Variants in MEGF6 observed in about 807,000 individuals in gnomAD.
MEGF6 encodes multiple epidermal growth factor-like domains protein 6.
Under a neutral mutation model 207.1 loss-of-function variants are expected in MEGF6, and 184 were observed. The ratio of observed to expected loss-of-function variants is 0.89; its 90% CI spans 0.79 to 1.00. The LOEUF is 1.00. Among genes scored for constraint, MEGF6 ranks in the 50% least tolerant of loss-of-function variants. MEGF6 has a pLI of 0.00. For synonymous variants in MEGF6, 1,038 were observed against 910.0 expected (o/e 1.14, Z -2.53); for missense variants, 2,282 against 2,202.9 (o/e 1.04, Z -0.72).
intron 12 of MEGF6, 81 bp downstream of exon 12, chr1:3,508,994 A>T: frequency 7.1e-7 from 1 of 1,406,858 alleles, no homozygotes. Context: ...CCAGCCTCTG[A>T]TTGGATGGCA....
At chr1:3,610,754 C>A (rs906915062) in intron 1 of MEGF6, among the ~76,000 whole-genome samples, 1 of 152,242 alleles carries the variant, frequency 6.6e-6, no homozygotes, top group Non-Finnish European at 1.5e-5. Flanking sequence ...AGGAGACAGG[C>A]TTTGGAGGGA....
intron 23 of MEGF6, 101 bp from the exon 24 acceptor site, chr1:3,499,367 C>A: frequency 6.9e-7 from 1 of 1,459,674 alleles, no homozygotes; most frequent in Non-Finnish European, 9.1e-7. Context: ...GTCCCCTCGG[C>A]TGCTATGGCC....
At chr1:3,524,505 A>AG (rs1641887665) in intron 4 of MEGF6, among the ~76,000 whole-genome samples, 1 of 152,222 alleles carries the variant, frequency 6.6e-6, no homozygotes, top group Non-Finnish European at 1.5e-5. Flanking sequence ...GAGGGCTCCA[A>AG]GGACAGGCTG....
upstream of MEGF6, among the ~76,000 whole-genome samples, chr1:3,612,768 C>A (rs1445017206): frequency 6.6e-6 from 1 of 152,036 alleles, no homozygotes; most frequent in Non-Finnish European, 1.5e-5. Context: ...GAAGGGAGCA[C>A]CCCCTGACTG....
At chr1:3,519,807 G>T (rs1179116060) in intron 5 of MEGF6, among the ~76,000 whole-genome samples, 1 of 152,364 alleles carries the variant, frequency 6.6e-6, no homozygotes, top group South Asian at 2.1e-4. Flanking sequence ...AGGGGAGGGG[G>T]TCTATGCAGC....
chr1:3,512,355 T>C (rs1057348965), intron 7 of MEGF6, among the ~76,000 whole-genome samples: 4 of 152,270 alleles, frequency 2.6e-5, no homozygotes, highest in African/African-American at 9.6e-5. Flanking sequence ...GCCTGTTGCA[T>C]GACCAGGTGC....
chr1:3,610,501 C>T (rs1055604500), intron 1 of MEGF6, among the ~76,000 whole-genome samples: 6 of 24,322 alleles, frequency 2.5e-4, no homozygotes, highest in African/African-American at 5.3e-4. Context: ...TCCTCCTCCT[C>T]CACTGCCGCA....
chr1:3,583,360 G>A (rs1320673550), intron 3 of MEGF6, among the ~76,000 whole-genome samples: 1,664 of 71,488 alleles, frequency 0.023, 81 homozygotes, highest in African/African-American at 0.12. Context: ...CAGACAACGC[G>A]CAGCCACCAG....
At chr1:3,500,821 C>G (rs1312075277) in intron 20 of MEGF6, 57 bp from the exon 21 acceptor site, 20 of 1,593,850 alleles carry the variant, frequency 1.3e-5, no homozygotes, top group Admixed American at 1.7e-5. Context: ...ACGGGCACCA[C>G]AGCCGAGTCA....
chr1:3,585,747 T>TGTG (rs1356828463), intron 3 of MEGF6, among the ~76,000 whole-genome samples: 4 of 116,948 alleles, frequency 3.4e-5, no homozygotes, highest in Admixed American at 8.9e-5. Context: ...TGGGTGTGAG[T>TGTG]GACACATGTC....
chr1:3,601,972 G>T (rs1644166355), intron 2 of MEGF6, among the ~76,000 whole-genome samples: 1 of 152,238 alleles, frequency 6.6e-6, no homozygotes, highest in South Asian at 2.1e-4. Flanking sequence ...CCAGCTCCCG[G>T]CACAACCCGC....
intron 1 of MEGF6, among the ~76,000 whole-genome samples, chr1:3,607,930 G>A (rs1644274942): frequency 6.6e-6 from 1 of 152,196 alleles, no homozygotes; most frequent in South Asian, 2.1e-4. Flanking sequence ...TCACCAGGTT[G>A]GGGAGGGCGG....
rs1291432150 is a variant in MEGF6 at position 3,594,952 on chromosome 1, G to A, written c.376+386C>T. Among the ~76,000 whole-genome samples the A allele has an allele frequency of 1.3e-5, 2 of 152,194 alleles. No homozygotes were observed. The highest frequency in any genetic ancestry group is 6.5e-5 in the Admixed American group (1 of 15,288). On this transcript the variant is annotated intron_variant, in intron 3 of 36. Transcript: ENST00000356575. The surrounding 1 kb of genome is among the most constrained non-coding windows in gnomAD (Gnocchi z 4.2). ...AACACGGTATAGGGAAACAGGGCAG[G>A]GAGAGGGACTCAGGGAGCTGGGGGT...
intron 23 of MEGF6, 117 bp from the exon 24 acceptor site, chr1:3,499,383 TC>T: frequency 7.0e-7 from 1 of 1,432,474 alleles, no homozygotes; most frequent in Non-Finnish European, 9.3e-7. Flanking sequence ...TGGCCAACTC[TC>T]CCCTCCCTCT....
chr1:3,606,004 ACTGACAGATACT>A (rs1644245240), intron 1 of MEGF6, among the ~76,000 whole-genome samples: 1 of 152,078 alleles, frequency 6.6e-6, no homozygotes, highest in Non-Finnish European at 1.5e-5. Context: ...TCCTCCTCCT[ACTGACAGATACT>A]CTGTCCCCCT....
In MEGF6 at chr1:3,602,582, C is replaced by A. The variant is rs775989503; in HGVS notation, c.150G>T (p.Glu50Asp). The A allele has an allele frequency of 1.2e-6, 2 of 1,611,358 alleles. No individual in the cohort carries two copies. The highest frequency in any genetic ancestry group is 1.7e-6 in the Non-Finnish European group (2 of 1,179,040). ...GGCGGCCCACCAGGGTCAGCTCCTG[C>A]TCAGCACACACGTGGGGCCTGGAAC... is the stretch of plus-strand genomic sequence containing the variant. ...LQPGMPHVCAEQELTLVGRRQ... is the reference protein window; with the variant it reads ...LQPGMPHVCADQELTLVGRRQ... Residue 50 changes from glutamate (E) to aspartate (D), a missense_variant, in exon 2 of 37, where the codon GAG becomes GAT. Physicochemically the swap from Glu to Asp is conservative, Grantham distance 45 (BLOSUM62 2). Transcript: ENST00000356575.
In MEGF6 at chr1:3,490,209, C is replaced by T; in HGVS notation, c.*319G>A. The T allele has an allele frequency of 4.7e-6, 2 of 424,464 alleles. No individual in the cohort carries two copies. Among genetic ancestry groups the T allele is most frequent in the Non-Finnish European group, 8.4e-6 (2 of 237,690 alleles). 26.3% of individuals were successfully genotyped at this position (424,464 alleles called of 1,614,324 possible). A position where few individuals can be genotyped will look rare whatever the true frequency, so the allele number is the denominator to read the frequency against. ...CTGCGCCTGCACCCACACTGGCGCC[C>T]ACACCTGTCCTCAGTCCAACTCAGA... On this transcript the variant is annotated 3_prime_UTR_variant, in exon 37 of 37. Transcript: ENST00000356575.
intron 1 of MEGF6, among the ~76,000 whole-genome samples, chr1:3,609,199 G>A (rs772188733): frequency 1.2e-4 from 18 of 152,110 alleles, no homozygotes; most frequent in Non-Finnish European, 2.1e-4. Context: ...AGCCAACAGC[G>A]CCCTTGCCCC....
In MEGF6 at chr1:3,492,741, T is replaced by G; in HGVS notation, c.4414A>C (p.Ser1472Arg). 2 of 1,612,386 alleles carry G rather than the reference T, an allele frequency of 1.2e-6. No homozygotes were observed. Among genetic ancestry groups the G allele is most frequent in the Non-Finnish European group, 1.7e-6 (2 of 1,179,748 alleles). Reference sequence around the variant, plus strand: ...CCGCAGTCACAGTGCAGGGTGCAGCTGGGCCCAAACTGGCCCCTTCTGCAA... The same window carrying G: ...CCGCAGTCACAGTGCAGGGTGCAGCGGGGCCCAAACTGGCCCCTTCTGCAA... The part of the protein sequence containing the change: ...LDCRRGQFGP[S>R]CTLHCDCGGG... The change falls in exon 35 of 37, where the codon AGC (serine) becomes CGC (arginine). Residue 1472 changes from serine (S) to arginine (R), a missense_variant. By Grantham distance (110) the Ser-to-Arg change is moderately radical (BLOSUM62 -1). Transcript: ENST00000356575.
Sources: gnomAD v4.1 joint callset for allele counts (sites outside exome capture counted in the v4.1 genomes callset) on GRCh38, gnomAD v4.1.1 for gene constraint, Gnocchi (gnomAD v3.1) non-coding constraint, MANE v1.5 for transcripts, NCBI Gene and HGNC (gene_info 2026-07-23, HGNC 2026-07-21) for gene names.